Variants in HK1 observed in about 807,000 individuals in gnomAD.
HK1 encodes the protein hexokinase-1.
HK1 carries 28 observed loss-of-function variants against 91.6 expected under a neutral mutation model. The ratio of observed to expected loss-of-function variants is 0.31; its 90% CI spans 0.23 to 0.42. The LOEUF is 0.42. Among genes scored for constraint, HK1 ranks in the 10% least tolerant of loss-of-function variants. The probability of loss-of-function intolerance (pLI) is 1.00; values close to 1 mark genes in which losing one functional copy is unlikely to be tolerated. For synonymous variants in HK1, 430 were observed against 468.1 expected, an observed-to-expected ratio of 0.92 and a Z score of 1.05; for missense variants, 770 against 1,219.8, an observed-to-expected ratio of 0.63 and a Z score of 5.49.
At chr10:69,299,712 A>G (rs1356982075) in intron 4 of HK1, among the ~76,000 whole-genome samples, 1 of 148,996 alleles carries the variant, frequency 6.7e-6, no homozygotes, top group Non-Finnish European at 1.5e-5. Context: ...CCTGGGCTGG[A>G]GTGCAGTGGC....
rs541075814 is a variant in HK1, at chr10:69,298,114, G to A, written c.-67+2434G>A. On this transcript the variant is annotated intron_variant, in intron 4 of 21. Coordinates refer to the HK1 transcript ENST00000360289. ...TAATCCCAGCTACTCGGGAGGCTGAGGCAGGAGAAATGCTTGAACCCAGGA... is the reference window on the plus strand; with the variant it reads ...TAATCCCAGCTACTCGGGAGGCTGAAGCAGGAGAAATGCTTGAACCCAGGA... Among the ~76,000 whole-genome samples the A allele has an allele frequency of 1.2e-4, 18 of 151,398 alleles. No homozygotes were observed. In the East Asian group the frequency reaches 3.5e-3, roughly 29 times the overall value.
intron 16 of HK1, 123 bp downstream of exon 16, chr10:69,395,228 T>G: frequency 2.4e-6 from 2 of 829,570 alleles, no homozygotes; most frequent in Non-Finnish European, 4.0e-6. Flanking sequence ...TTTTTTTTCC[T>G]CTGGAATAGC....
At chr10:69,355,223 T>C (rs1849070732) in intron 2 of HK1, among the ~76,000 whole-genome samples, 1 of 152,178 alleles carries the variant, frequency 6.6e-6, no homozygotes, top group African/African-American at 2.4e-5. Context: ...TCCAGAAATA[T>C]AGCAGTGTGT....
intron 4 of HK1, among the ~76,000 whole-genome samples, chr10:69,367,713 G>C (rs1212785259): frequency 1.3e-5 from 2 of 151,802 alleles, no homozygotes; most frequent in African/African-American, 4.8e-5. Context: ...GCAGGCCTGC[G>C]GGGCCTGGAC....
At chr10:69,285,348 C>G (rs1159960219) in intron 2 of HK1, among the ~76,000 whole-genome samples, 1 of 151,916 alleles carries the variant, frequency 6.6e-6, no homozygotes, top group African/African-American at 2.4e-5. Context: ...GGCGTGCACT[C>G]GGGAGGCGGA....
At chr10:69,289,982 T>G (rs973592194) in intron 3 of HK1, among the ~76,000 whole-genome samples, 4 of 152,030 alleles carry the variant, frequency 2.6e-5, no homozygotes, top group African/African-American at 9.7e-5. Context: ...AAATAAACCC[T>G]GGAAAATGTT....
chr10:69,315,944 T>C, upstream of HK1: 1 of 1,613,954 alleles, frequency 6.2e-7, no homozygotes, highest in Non-Finnish European at 8.5e-7. Context: ...GGAGTCTGGG[T>C]GTATATCCAG....
At chr10:69,391,234 G>A (rs1839882380) in intron 14 of HK1, among the ~76,000 whole-genome samples, 1 of 152,200 alleles carries the variant, frequency 6.6e-6, no homozygotes, top group South Asian at 2.1e-4. Context: ...GCTTTTGAAA[G>A]CCCCCCTTGA....
At chr10:69,387,279 T>A (rs1168311444) in intron 13 of HK1, among the ~76,000 whole-genome samples, 2 of 152,004 alleles carry the variant, frequency 1.3e-5, no homozygotes, top group Admixed American at 6.6e-5. Flanking sequence ...TTAAAAAAAA[T>A]TTTTAGAATT....
rs528913855 is a variant in HK1, at chr10:69,294,001, A to G, written c.-114-1632A>G. On this transcript the variant is annotated intron_variant, in intron 3 of 21. Coordinates refer to the HK1 transcript ENST00000360289. ...CTCAGCCTCCCGAGTAGCTGGGACT[A>G]CAGGCGCCCACCACCACGCCCGGCT... 7.3e-4 allele frequency among the ~76,000 whole-genome samples: 110 copies of G among 151,408 alleles called. 3 individuals are homozygous for G. Among genetic ancestry groups the G allele is most frequent in the Non-Finnish European group, 7.7e-4 (52 of 67,860 alleles).
chr10:69,316,697 C>A (rs1037867725), upstream of HK1, among the ~76,000 whole-genome samples: 2 of 152,230 alleles, frequency 1.3e-5, no homozygotes, highest in Non-Finnish European at 2.9e-5. Context: ...GTTGTAACAA[C>A]GGGTTGGGCA....
At chr10:69,301,433 T>C (rs1845858540) in intron 5 of HK1, among the ~76,000 whole-genome samples, 1 of 141,912 alleles carries the variant, frequency 7.0e-6, no homozygotes, top group South Asian at 2.3e-4. Context: ...AACTAGCCAG[T>C]TGTGGTGGCA....
In HK1 at chr10:69,369,269, T is replaced by C; in HGVS notation, c.624T>C (p.Asn208=). ...ATGCCAACATCGTAGCTGTGGTGAA[T>C]GACACAGTGGGCACCATGATGACCT... ...DYDANIVAVV[N]DTVGTMMTCG... is the part of the protein sequence containing the mutation. The change falls in exon 6 of 18, where the codon AAT becomes AAC. Residue 208 remains asparagine (N), a synonymous_variant. Transcript: ENST00000359426. This position sits in a 1 kb window ranked among gnomAD's most constrained non-coding sequence, Gnocchi z 4.4. The C allele has an allele frequency of 6.2e-7, 1 of 1,614,206 alleles. No homozygotes were observed. The highest frequency in any genetic ancestry group is 1.1e-5 in the South Asian group (1 of 91,090).
chr10:69,276,118 A>AAAAAAAAAAAAAAAAAAAAAAAAAAAT, intron 1 of HK1, among the ~76,000 whole-genome samples: 1 of 38,262 alleles, frequency 2.6e-5, no homozygotes. Context: ...AAAAAAAAAA[A>AAAAAAAAAAAAAAAAAAAAAAAAAAAT]ATACATATAT....
At position 69,384,320 on chromosome 10, in the gene HK1, T is replaced by C; in HGVS notation, c.1571-13T>C. ...GCTGTTTTTGACATTCTTTACGCTT[T>C]TGACTGCAACAGAGAATGGTGACTT... On this transcript the variant is annotated splice_polypyrimidine_tract_variant and intron_variant, in intron 10 of 17. Transcript: ENST00000359426. 6.2e-7 allele frequency: 1 copy of C among 1,614,274 alleles called. No homozygotes were observed. The highest frequency in any genetic ancestry group is 1.1e-5 in the South Asian group (1 of 91,088).
intron 8 of HK1, among the ~76,000 whole-genome samples, chr10:69,377,479 C>T (rs1291653597): frequency 6.6e-6 from 1 of 151,862 alleles, no homozygotes; most frequent in Non-Finnish European, 1.5e-5. Flanking sequence ...TTTGGAATTC[C>T]ACCTCCCACT....
At chr10:69,362,995 G>GA (rs1849514544) in intron 3 of HK1, among the ~76,000 whole-genome samples, 1 of 152,124 alleles carries the variant, frequency 6.6e-6, no homozygotes, top group Non-Finnish European at 1.5e-5. Context: ...GAGCTGGCTT[G>GA]GGGGGGATCT....
rs1178154929 is a variant in HK1, at chr10:69,305,873, C to CA, written c.27+5020dup. Among the ~76,000 whole-genome samples, 148 of 30,764 alleles carry CA rather than the reference C, an allele frequency of 4.8e-3. 1 individual carries two copies. Among genetic ancestry groups the CA allele is most frequent in the East Asian group, 0.011 (2 of 174 alleles). The allele number at this position is 30,764 out of a possible 152,430, so 20.2% of individuals were successfully genotyped here. On this transcript the variant is annotated intron_variant, in intron 5 of 21. Coordinates refer to the HK1 transcript ENST00000360289. ...GTCTCAAAAAAAACAAAAAACAAAA[C>CA]AAAAAAAACAACAAAAAAAAATAAG...
chr10:69,383,248 A>G (rs1377529632), intron 10 of HK1, among the ~76,000 whole-genome samples: 1 of 152,268 alleles, frequency 6.6e-6, no homozygotes, highest in Non-Finnish European at 1.5e-5. Context: ...GTTTTCCCAA[A>G]GCCAAGGAAA....
Sources: gnomAD v4.1 joint callset for allele counts (sites outside exome capture counted in the v4.1 genomes callset) on GRCh38, gnomAD v4.1.1 for gene constraint, Gnocchi (gnomAD v3.1) non-coding constraint, MANE v1.5 for transcripts, NCBI Gene and HGNC (gene_info 2026-07-23, HGNC 2026-07-21) for gene names.